NADK: variants seen among roughly 807,000 people sequenced by gnomAD.
The protein encoded by NADK is poly(P)/ATP NAD kinase.
In NADK, 22 loss-of-function variants were observed where a neutral mutation model predicts 49.8. The observed-to-expected ratio is 0.44, with a 90% confidence interval of 0.32 to 0.63. NADK has a LOEUF of 0.63. Ranked by LOEUF, NADK falls within the 30% of genes least tolerant of loss-of-function variation. NADK has a pLI of 0.06. For missense variants in NADK, 438 were observed against 609.4 expected (o/e 0.72, Z 2.96); for synonymous variants, 268 against 253.7 (o/e 1.06, Z -0.54).
At chr1:1,775,485 T>C (rs192788066) in intron 1 of NADK, among the ~76,000 whole-genome samples, 35 of 152,310 alleles carry the variant, frequency 2.3e-4, no homozygotes, top group Non-Finnish European at 2.1e-4. Flanking sequence ...ACTGGCAGTA[T>C]ACAAACTGAG....
intron 4 of NADK, chr1:1,756,830 C>T: frequency 1.1e-6 from 1 of 883,090 alleles, no homozygotes; most frequent in Middle Eastern, 2.1e-4. Context: ...TTGACTAAGG[C>T]TGTTATTTCA....
intron 2 of NADK, among the ~76,000 whole-genome samples, chr1:1,762,353 A>AC (rs1645751819): frequency 6.6e-6 from 1 of 152,096 alleles, no homozygotes; most frequent in South Asian, 2.1e-4. Flanking sequence ...TGTCTCCAGG[A>AC]CCCCTCTCTA....
At position 1,765,384 on chromosome 1, in the gene NADK, A is replaced by G. The variant is rs1416139383; in HGVS notation, c.23T>C (p.Met8Thr). 6.2e-7 allele frequency: 1 copy of G among 1,603,082 alleles called. No homozygotes were observed. Among genetic ancestry groups the G allele is most frequent in the Non-Finnish European group, 8.5e-7 (1 of 1,173,958 alleles). The change falls in exon 2 of 12, where the codon ATG becomes ACG. Residue 8 changes from methionine to threonine, a missense_variant. Physicochemically the swap from Met to Thr is moderately conservative, Grantham distance 81 (BLOSUM62 -1). Transcript: ENST00000341426. MEMEQEK[M>T]TMNKELSPDA... ...TGGACTCAATTCCTTATTCATGGTCATTTTTTCTTGTTCCATTTCCATTGT... is the reference window on the plus strand; with the variant it reads ...TGGACTCAATTCCTTATTCATGGTCGTTTTTTCTTGTTCCATTTCCATTGT...
At chr1:1,776,539 G>A (rs1241854409) in intron 1 of NADK, among the ~76,000 whole-genome samples, 2 of 152,256 alleles carry the variant, frequency 1.3e-5, no homozygotes, top group African/African-American at 4.8e-5. Context: ...ACTTTGGGAG[G>A]CCAAGGTGGG....
intron 1 of NADK, among the ~76,000 whole-genome samples, chr1:1,771,075 T>TACACAC (rs1193841983): frequency 7.0e-6 from 1 of 142,632 alleles, no homozygotes; most frequent in African/African-American, 2.6e-5. Context: ...TATATATATA[T>TACACAC]ACACACACAC....
In NADK at chr1:1,755,395, G is replaced by A; in HGVS notation, c.667C>T (p.Gln223Ter). 1 of 1,613,786 alleles carries A rather than the reference G, an allele frequency of 6.2e-7. No homozygotes were observed. Among genetic ancestry groups the A allele is most frequent in the Non-Finnish European group, 8.5e-7 (1 of 1,179,700 alleles). The change falls in exon 7 of 12, where the codon CAA (glutamine) becomes TAA (stop). Residue 223 changes from glutamine to a stop codon, truncating the protein, a stop_gained. Transcript: ENST00000341426. LOFTEE classifies it high-confidence loss of function. ...TPFSFENFQS[Q>*]VTQVIEGNAA... ...TCACCCTCTATCACCTGAGTAACTT[G>A]GGACTGAAAGTTCTCAAAGCTGAAT...
Position 1,756,729 on chromosome 1 carries a change from C to G in NADK, c.394-121G>C, listed in dbSNP as rs553268779. 224 of 1,545,628 alleles carry G rather than the reference C, an allele frequency of 1.4e-4. 2 individuals carry two copies. In the South Asian group the frequency reaches 2.4e-3, roughly 16 times the overall value. Reference sequence around the variant, plus strand: ...CATCGTGGCCTGCATGCCCGCCCCCCCACGCTCACGCTGAAACTTCATCAC... The same window carrying G: ...CATCGTGGCCTGCATGCCCGCCCCCGCACGCTCACGCTGAAACTTCATCAC... On this transcript the variant is annotated intron_variant, in intron 4 of 11. Transcript: ENST00000341426.
chr1:1,764,421 G>A (rs946993835), intron 2 of NADK, among the ~76,000 whole-genome samples: 2 of 152,190 alleles, frequency 1.3e-5, no homozygotes, highest in Non-Finnish European at 1.5e-5. Context: ...GGTGAGCGCT[G>A]TGGGCACTCT....
At position 1,757,872 on chromosome 1, in the gene NADK, A is replaced by G. The variant is rs530055824; in HGVS notation, c.264-562T>C. 1.3e-4 allele frequency among the ~76,000 whole-genome samples: 19 copies of G among 151,284 alleles called. 1 individual carries two copies. Among genetic ancestry groups the G allele is most frequent in the African/African-American group, 4.4e-4 (18 of 41,156 alleles). ...GCATGAACGGACTTTAACCTCACTC[A>G]CTCTCACAGTAAAAATCACAGGTTT... On this transcript the variant is annotated intron_variant, in intron 3 of 11. Transcript: ENST00000341426.
rs901701222 is a variant in NADK at position 1,754,239 on chromosome 1, G to A, written c.944-31C>T. 18 of 1,612,954 alleles carry A rather than the reference G, an allele frequency of 1.1e-5. No individual in the cohort carries two copies. Among genetic ancestry groups the A allele is most frequent in the South Asian group, 7.7e-5 (7 of 91,066 alleles). ...AGGGACAGGCGCAGGCGTCACTCCC[G>A]CCCGAGGGACGCTCAGGGCCCCAGG... On this transcript the variant is annotated intron_variant, in intron 9 of 11. Coordinates refer to ENST00000341426, the MANE Select transcript of NADK (RefSeq NM_023018.5). The surrounding 1 kb of genome is among the most constrained non-coding windows in gnomAD (Gnocchi z 4.3).
chr1:1,756,158 A>G, intron 6 of NADK, 100 bp downstream of exon 6: 1 of 1,160,742 alleles, frequency 8.6e-7, no homozygotes, highest in South Asian at 1.2e-5. Flanking sequence ...CTGCTCTCGT[A>G]TAAAGGGGTG....
At chr1:1,757,333 T>TCA in intron 3 of NADK, 23 bp from the exon 4 acceptor site, 2 of 1,591,706 alleles carry the variant, frequency 1.3e-6, no homozygotes, top group Non-Finnish European at 1.7e-6. Flanking sequence ...AGAAAAGAGT[T>TCA]CACACCAGCT....
chr1:1,756,944 C>T (rs367959812), intron 4 of NADK: 97 of 832,366 alleles, frequency 1.2e-4, no homozygotes, highest in South Asian at 1.2e-3. Flanking sequence ...TCGGACTTCC[C>T]GGCCTCCAGG....
chr1:1,777,393 GA>G (rs1056160425), intron 1 of NADK, among the ~76,000 whole-genome samples: 5 of 151,174 alleles, frequency 3.3e-5, no homozygotes, highest in African/African-American at 9.7e-5. Flanking sequence ...ACATCAGGAG[GA>G]AAAAAAAACT....
chr1:1,752,667 A>G lies in NADK; in HGVS notation c.*237T>C, dbSNP rs1262491303. 2 of 477,188 alleles carry G rather than the reference A, an allele frequency of 4.2e-6. No individual in the cohort carries two copies. The highest frequency in any genetic ancestry group is 2.0e-5 in the African/African-American group (1 of 50,606). 29.6% of individuals were successfully genotyped at this position (477,188 alleles called of 1,614,324 possible). A position where few individuals can be genotyped will look rare whatever the true frequency, so the allele number is the denominator to read the frequency against. ...CTCCAGGGACCCACCGCGGGGTGTC[A>G]GCAGGACAGAAGCACTCCCAGCCCA... On this transcript the variant is annotated 3_prime_UTR_variant, in exon 12 of 12. Transcript: ENST00000341426.
upstream of NADK, chr1:1,780,400 T>A (rs1646330194): frequency 6.6e-6 from 1 of 152,240 alleles, no homozygotes; most frequent in Non-Finnish European, 1.5e-5. Flanking sequence ...CAGGTGCCCT[T>A]CGCGTGTCCC....
In NADK at chr1:1,754,387, G is replaced by C. The variant is rs1223636179; in HGVS notation, c.844-4C>G. ...CAATCACCACCTCATTCAGGACCTG[G>C]AGGGGCGACAGCATTGCACACTCAG... On this transcript the variant is annotated splice_region_variant and splice_polypyrimidine_tract_variant and intron_variant, in intron 8 of 11. Transcript: ENST00000341426. This position sits in a 1 kb window ranked among gnomAD's most constrained non-coding sequence, Gnocchi z 4.3. 1 of 1,613,694 alleles carries C rather than the reference G, an allele frequency of 6.2e-7. No individual in the cohort carries two copies. The highest frequency in any genetic ancestry group is 8.5e-7 in the Non-Finnish European group (1 of 1,179,756).
intron 1 of NADK, among the ~76,000 whole-genome samples, chr1:1,770,597 T>G (rs1646017661): frequency 6.6e-6 from 1 of 152,082 alleles, no homozygotes; most frequent in South Asian, 2.1e-4. Context: ...CCGGGCATGG[T>G]GGCGGGTGCC....
intron 1 of NADK, among the ~76,000 whole-genome samples, chr1:1,771,042 TAAAAA>T (rs34422935): frequency 0.028 from 3,710 of 130,412 alleles, 62 homozygotes; most frequent in Middle Eastern, 0.045. Flanking sequence ...TTTCATCTTA[TAAAAA>T]AAAAAAAAAT....
Sources: gnomAD v4.1 joint callset for allele counts (sites outside exome capture counted in the v4.1 genomes callset) on GRCh38, gnomAD v4.1.1 for gene constraint, Gnocchi (gnomAD v3.1) non-coding constraint, MANE v1.5 for transcripts, NCBI Gene and HGNC (gene_info 2026-07-23, HGNC 2026-07-21) for gene names.